HMCN1: variants seen among roughly 807,000 people sequenced by gnomAD.
The protein encoded by HMCN1 is hemicentin-1.
Under a neutral mutation model 625.9 loss-of-function variants are expected in HMCN1, and 321 were observed. The ratio of observed to expected loss-of-function variants is 0.51; its 90% CI spans 0.47 to 0.56. The LOEUF (loss-of-function observed/expected upper bound fraction) is 0.56. HMCN1 is among the 20% of genes least tolerant of loss of function. The pLI, the probability that HMCN1 is intolerant of heterozygous loss-of-function variation, is 0.00. For missense variants in HMCN1, 6,588 were observed against 6,887.3 expected, an observed-to-expected ratio of 0.96 and a Z score of 1.54; for synonymous variants, 2,425 against 2,417.6, an observed-to-expected ratio of 1.00 and a Z score of -0.09.
intron 100 of HMCN1, among the ~76,000 whole-genome samples, chr1:186,167,893 C>T (rs533825846): frequency 6.6e-6 from 1 of 152,176 alleles, no homozygotes; most frequent in South Asian, 2.1e-4. Context: ...AAGGACATCT[C>T]AATTGCCTCC....
At position 186,182,260 on chromosome 1, in the gene HMCN1, C is replaced by T. The variant is rs996129661; in HGVS notation, c.16387C>T (p.Leu5463Phe). Residue 5463 changes from leucine to phenylalanine, a missense_variant, in exon 105 of 107, where the codon CTC (leucine) becomes TTC (phenylalanine). Around this residue, in one of 3 missense-constraint regions of HMCN1, gnomAD observed 1,954 missense variants for 2,013.1 expected, o/e 0.97. Coordinates refer to ENST00000271588, the MANE Select transcript of HMCN1 (RefSeq NM_031935.3). ...YQCICPPGYQ[L>F]THNGKTCQDI... Reference sequence around the variant, plus strand: ...GTGCATCTGCCCACCTGGCTATCAACTCACACACAATGGAAAGACATGCCA... The same window carrying T: ...GTGCATCTGCCCACCTGGCTATCAATTCACACACAATGGAAAGACATGCCA... 6.2e-7 allele frequency: 1 copy of T among 1,613,534 alleles called. No homozygotes were observed. Among genetic ancestry groups the T allele is most frequent in the African/African-American group, 1.3e-5 (1 of 75,010 alleles).
intron 54 of HMCN1, among the ~76,000 whole-genome samples, chr1:186,077,307 G>A (rs983109962): frequency 2.0e-5 from 3 of 152,042 alleles, no homozygotes; most frequent in African/African-American, 7.2e-5. Context: ...TCTGGGTTTG[G>A]GGAAAATGGC....
chr1:185,992,814 AGAACATGTATGTCTTCTTT>A (rs1652518860), intron 22 of HMCN1, among the ~76,000 whole-genome samples: 1 of 152,196 alleles, frequency 6.6e-6, no homozygotes, highest in Non-Finnish European at 1.5e-5. Flanking sequence ...ACTATTTTTG[AGAACATGTATGTCTTCTTT>A]TTCCTTTACT....
chr1:186,081,373 A>G lies in HMCN1; in HGVS notation c.8766A>G (p.Leu2922=), dbSNP rs1419798806. ...TAGAAGATGACCATCATAAATTTCT[A>G]TCTAATGGACGAATTCTGCAGGTAA... The part of the protein sequence containing the change: ...PLLEDDHHKF[L]SNGRILQILN... The change falls in exon 56 of 107, where the codon CTA becomes CTG. Residue 2922 remains leucine, a synonymous_variant. Transcript: ENST00000271588. 6.2e-7 allele frequency: 1 copy of G among 1,613,182 alleles called. No individual in the cohort carries two copies. The highest frequency in any genetic ancestry group is 8.5e-7 in the Non-Finnish European group (1 of 1,179,374).
chr1:185,912,488 A>G (rs1350556199), intron 6 of HMCN1, among the ~76,000 whole-genome samples: 2 of 152,180 alleles, frequency 1.3e-5, no homozygotes, highest in Middle Eastern at 3.2e-3. Flanking sequence ...TCAAAATTCA[A>G]GATACCATAA....
chr1:185,822,041 G>A (rs1490422487), intron 1 of HMCN1, among the ~76,000 whole-genome samples: 1 of 152,090 alleles, frequency 6.6e-6, no homozygotes, highest in African/African-American at 2.4e-5. Context: ...AAAGATCAGT[G>A]GTTGCCAGGG....
chr1:185,779,010 G>T (rs1429930205), intron 1 of HMCN1, among the ~76,000 whole-genome samples: 2 of 152,182 alleles, frequency 1.3e-5, no homozygotes, highest in African/African-American at 2.4e-5. Context: ...AGCACCTGTT[G>T]TTTCCTGACT....
chr1:185,921,131 G>T (rs1429249188), intron 6 of HMCN1, among the ~76,000 whole-genome samples: 3 of 151,878 alleles, frequency 2.0e-5, no homozygotes, highest in Non-Finnish European at 2.9e-5. Context: ...ATGGGATAAG[G>T]GTTGTACTAA....
At chr1:185,884,299 T>C (rs1258080975) in intron 4 of HMCN1, among the ~76,000 whole-genome samples, 1 of 151,940 alleles carries the variant, frequency 6.6e-6, no homozygotes, top group African/African-American at 2.4e-5. Context: ...TCTCTTAACC[T>C]CATGGGGCTT....
intron 1 of HMCN1, among the ~76,000 whole-genome samples, chr1:185,781,142 G>T (rs1223626517): frequency 1.3e-5 from 2 of 152,200 alleles, no homozygotes; most frequent in Admixed American, 6.5e-5. Context: ...GCATAGAGGT[G>T]TTTATAGTAT....
At chr1:186,112,410 C>T (rs1014204095) in intron 71 of HMCN1, among the ~76,000 whole-genome samples, 1 of 152,198 alleles carries the variant, frequency 6.6e-6, no homozygotes, top group African/African-American at 2.4e-5. Flanking sequence ...TTTGCATTGC[C>T]TTAGATTCAG....
chr1:185,865,204 G>A (rs1389724337), intron 3 of HMCN1, among the ~76,000 whole-genome samples: 1 of 152,186 alleles, frequency 6.6e-6, no homozygotes, highest in Non-Finnish European at 1.5e-5. Flanking sequence ...CCAGTAAGTT[G>A]GTTTAGGCAT....
rs1160770667 is a variant in HMCN1, at chr1:186,172,043, T to C, written c.15726T>C (p.Asp5242=). ...NECRQNVCRP[D]QHCKNTRGGY... ...GTAGACAAAATGTATGCAGACCAGATCAGCACTGTAAGAACACCCGTGGTG... is the reference window on the plus strand; with the variant it reads ...GTAGACAAAATGTATGCAGACCAGACCAGCACTGTAAGAACACCCGTGGTG... Residue 5242 remains aspartate, a synonymous_variant, in exon 102 of 107, where the codon GAT becomes GAC. Coordinates refer to ENST00000271588, the MANE Select transcript of HMCN1 (RefSeq NM_031935.3). The C allele has an allele frequency of 6.2e-7, 1 of 1,613,608 alleles. No homozygotes were observed. Among genetic ancestry groups the C allele is most frequent in the African/African-American group, 1.3e-5 (1 of 74,904 alleles).
At chr1:185,995,305 G>A (rs1652709981) in intron 24 of HMCN1, among the ~76,000 whole-genome samples, 3 of 152,008 alleles carry the variant, frequency 2.0e-5, no homozygotes. Context: ...TTGAAGCAAA[G>A]TTGCCATGGA....
intron 4 of HMCN1, among the ~76,000 whole-genome samples, chr1:185,907,670 T>C (rs1221790012): frequency 5.3e-5 from 8 of 151,936 alleles, no homozygotes; most frequent in Non-Finnish European, 2.9e-5. Context: ...ATTACTTTAC[T>C]TTGCCTGTGA....
intron 103 of HMCN1, among the ~76,000 whole-genome samples, chr1:186,177,714 C>T (rs575987148): frequency 4.6e-5 from 7 of 151,894 alleles, no homozygotes; most frequent in Non-Finnish European, 7.4e-5. Flanking sequence ...CATTGTCAAC[C>T]AGTAGAAAAA....
At chr1:186,126,484 G>A (rs1014096480) in intron 82 of HMCN1, among the ~76,000 whole-genome samples, 8 of 152,216 alleles carry the variant, frequency 5.3e-5, no homozygotes, top group Middle Eastern at 3.4e-3. Context: ...AAAAATAAGA[G>A]GGGAAAAGAG....
chr1:185,906,299 T>C (rs899235230), intron 4 of HMCN1, among the ~76,000 whole-genome samples: 1 of 151,754 alleles, frequency 6.6e-6, no homozygotes, highest in African/African-American at 2.4e-5. Flanking sequence ...ATAAAAAAAG[T>C]GATTTGAGAT....
In HMCN1 at chr1:186,187,922, C is replaced by A; in HGVS notation, c.16454C>A (p.Pro5485His). Residue 5485 changes from proline (P) to histidine (H), a missense_variant, in exon 106 of 107, where the codon CCC becomes CAC. This residue lies in a region of HMCN1 where 1,954 missense variants were observed against 2,013.1 expected (regional missense o/e 0.97). Transcript: ENST00000271588. ...ECLEQNVHCGPNRMCFNMRGS... is the reference protein window; with the variant it reads ...ECLEQNVHCGHNRMCFNMRGS... ...CTGGAGCAGAATGTGCACTGTGGACCCAATCGCATGTGCTTCAACATGAGA... is the reference window on the plus strand; with the variant it reads ...CTGGAGCAGAATGTGCACTGTGGACACAATCGCATGTGCTTCAACATGAGA... The A allele has an allele frequency of 1.2e-6, 2 of 1,613,704 alleles. No homozygotes were observed. Among genetic ancestry groups the A allele is most frequent in the African/African-American group, 2.7e-5 (2 of 74,992 alleles).
Sources: allele counts gnomAD v4.1 joint callset (sites outside exome capture counted in the v4.1 genomes callset), GRCh38; gene constraint gnomAD v4.1.1; regional missense constraint gnomAD v4.1.1; transcripts MANE v1.5; gene names NCBI Gene and HGNC (gene_info 2026-07-23, HGNC 2026-07-21).